The following NRIP1 variants were observed in gnomAD, a reference collection of about 807,000 sequenced individuals.
NRIP1 encodes the protein nuclear receptor-interacting protein 1.
NRIP1 carries 28 observed loss-of-function variants against 75.0 expected under a neutral mutation model. That is an observed-to-expected ratio of 0.37 (90% CI 0.28 to 0.51). The LOEUF (loss-of-function observed/expected upper bound fraction) is 0.51. NRIP1 is among the 20% of genes least tolerant of loss of function. The pLI, the probability that NRIP1 is intolerant of heterozygous loss-of-function variation, is 0.92. For missense variants in NRIP1, 1,435 were observed against 1,343.7 expected (o/e 1.07, Z -1.06); for synonymous variants, 526 against 487.6 (o/e 1.08, Z -1.04).
At chr21:15,051,334 T>A (rs1412585015) in intron 1 of NRIP1, 1 of 159,512 alleles carries the variant, frequency 6.3e-6, no homozygotes, top group Admixed American at 6.0e-5. Context: ...AGGTGGTCAA[T>A]AAAAAATTAT....
intron 3 of NRIP1, among the ~76,000 whole-genome samples, chr21:14,976,304 C>A (rs982529857): frequency 3.3e-5 from 5 of 151,920 alleles, no homozygotes; most frequent in Non-Finnish European, 4.4e-5. Flanking sequence ...CAAACTAAAC[C>A]ATGAAAAAAT....
intron 3 of NRIP1, among the ~76,000 whole-genome samples, chr21:14,988,521 A>G (rs62220717): frequency 0.16 from 23,942 of 150,058 alleles, 2,196 homozygotes; most frequent in Admixed American, 0.22. Context: ...GTGTGTGTAT[A>G]TATATATATA....
At chr21:14,994,479 T>C (rs2087665179) in intron 3 of NRIP1, among the ~76,000 whole-genome samples, 1 of 152,192 alleles carries the variant, frequency 6.6e-6, no homozygotes. Context: ...TTCATTTGAC[T>C]AGAGAAAATA....
chr21:15,027,195 G>A (rs1162125134), intron 2 of NRIP1, among the ~76,000 whole-genome samples: 3 of 152,148 alleles, frequency 2.0e-5, no homozygotes, highest in Admixed American at 6.6e-5. Flanking sequence ...TGAAGAAAGC[G>A]GTTGCAAGAC....
chr21:15,050,993 GCATTTA>G, intron 1 of NRIP1: 1 of 434,556 alleles, frequency 2.3e-6, no homozygotes, highest in Non-Finnish European at 4.6e-6. Flanking sequence ...AGTAGCAGTA[GCATTTA>G]CCTACAGCTA....
rs539278321 is a variant in NRIP1 at position 15,019,470 on chromosome 21, C to CTTT, written c.-457-5007_-457-5005dup. Among the ~76,000 whole-genome samples the CTTT allele has an allele frequency of 8.3e-4, 32 of 38,696 alleles. 15 individuals are homozygous for CTTT. The highest frequency in any genetic ancestry group is 3.2e-3 in the South Asian group (2 of 630). The allele number at this position is 38,696 out of a possible 152,430, so 25.4% of individuals were successfully genotyped here. A position where few individuals can be genotyped will look rare whatever the true frequency, so the allele number is the denominator to read the frequency against. The stretch of plus-strand genomic sequence containing the variant: ...ACAAGATCCACAAACAACTGCATTT[C>CTTT]TTTTTTTTTTTTTTTTTTTTTTTTT... On this transcript the variant is annotated intron_variant, in intron 2 of 3. Coordinates refer to ENST00000318948, the MANE Select transcript of NRIP1 (RefSeq NM_003489.4).
chr21:15,051,981 G>A (rs2089211275), intron 1 of NRIP1: 1 of 152,086 alleles, frequency 6.6e-6, no homozygotes, highest in Non-Finnish European at 1.5e-5. Flanking sequence ...TTTTGTTCTA[G>A]CCTATTAACC....
intron 3 of NRIP1, chr21:14,992,125 A>T (rs2087589458): frequency 3.3e-5 from 5 of 152,228 alleles, no homozygotes; most frequent in Admixed American, 3.3e-4. Context: ...GCAGCCTGAA[A>T]CTCCTGGGCT....
intron 2 of NRIP1, among the ~76,000 whole-genome samples, chr21:15,035,309 A>G (rs971205282): frequency 6.6e-6 from 1 of 152,326 alleles, no homozygotes; most frequent in East Asian, 1.9e-4. Flanking sequence ...TTCTTTTAAA[A>G]TACAAGTTTA....
In NRIP1 at chr21:15,053,719, T is replaced by C. The variant is rs188544545; in HGVS notation, c.-537-10145A>G. Among the ~76,000 whole-genome samples, 20 of 152,326 alleles carry C rather than the reference T, an allele frequency of 1.3e-4. 1 individual carries two copies. Among genetic ancestry groups the C allele is most frequent in the Admixed American group, 1.3e-3 (20 of 15,302 alleles). ...CTCATTTTTCTGCCCTTTTACTTCA[T>C]ATATTAGTCCATTAGCTTGTTCCTT... On this transcript the variant is annotated intron_variant, in intron 1 of 3. Coordinates refer to ENST00000318948, the MANE Select transcript of NRIP1 (RefSeq NM_003489.4).
Position 14,967,428 on chromosome 21 carries a change from G to T in NRIP1, c.765C>A (p.Thr255=). 6.2e-7 allele frequency: 1 copy of T among 1,614,050 alleles called. No homozygotes were observed. Among genetic ancestry groups the T allele is most frequent in the African/African-American group, 1.3e-5 (1 of 75,026 alleles). The change falls in exon 4 of 4, where the codon ACC becomes ACA. Residue 255 remains threonine (T), a synonymous_variant. Transcript: ENST00000318948. ...TACAAGCAACACTAGGTTTAGGTGA[G>T]GTGGCAGGACTAGCCCTTTTTTCCA... ...SMVEKRASPA[T]SPKPSVACSQ...
chr21:15,010,878 T>C (rs1353869139), intron 3 of NRIP1, among the ~76,000 whole-genome samples: 1 of 152,144 alleles, frequency 6.6e-6, no homozygotes, highest in Non-Finnish European at 1.5e-5. Context: ...AATGATTCAT[T>C]TGAGCCAAGC....
At chr21:15,057,246 T>C (rs1186292869) in intron 1 of NRIP1, among the ~76,000 whole-genome samples, 1 of 152,190 alleles carries the variant, frequency 6.6e-6, no homozygotes, top group East Asian at 1.9e-4. Flanking sequence ...TGGTTCTGAA[T>C]TTGCTACAAC....
intron 3 of NRIP1, among the ~76,000 whole-genome samples, chr21:15,001,372 A>G (rs1187072253): frequency 6.6e-6 from 1 of 152,212 alleles, no homozygotes; most frequent in Middle Eastern, 3.2e-3. Context: ...GTACAGATTT[A>G]TACACAACCG....
At chr21:15,063,708 C>CT (rs1336511697) in intron 1 of NRIP1, among the ~76,000 whole-genome samples, 1 of 152,250 alleles carries the variant, frequency 6.6e-6, no homozygotes, top group Non-Finnish European at 1.5e-5. Context: ...AACTCCAACT[C>CT]AGTTCCACCA....
intron 3 of NRIP1, among the ~76,000 whole-genome samples, chr21:14,968,853 T>C (rs972775262): frequency 6.6e-6 from 1 of 152,212 alleles, no homozygotes; most frequent in African/African-American, 2.4e-5. Context: ...CAAAGTAATG[T>C]GAATGTTCAG....
chr21:14,964,883 C>T lies in NRIP1; in HGVS notation c.3310G>A (p.Ala1104Thr). The change falls in exon 4 of 4, where the codon GCC (alanine) becomes ACC (threonine). Residue 1104 changes from alanine to threonine, a missense_variant. Physicochemically the swap from Ala to Thr is moderately conservative, Grantham distance 58. Coordinates refer to ENST00000318948, the MANE Select transcript of NRIP1 (RefSeq NM_003489.4). ...GCAGTAGGAAGTAACTCTTCTTTGG[C>T]TGTGACCTGTGAGACACTTTCAGCA... ...SSAESVSQVT[A>T]KEELLPTAET... 6.2e-7 allele frequency: 1 copy of T among 1,613,120 alleles called. No homozygotes were observed. The highest frequency in any genetic ancestry group is 8.5e-7 in the Non-Finnish European group (1 of 1,179,572).
At chr21:14,973,310 G>A (rs926184) in intron 3 of NRIP1, among the ~76,000 whole-genome samples, 9,460 of 152,004 alleles carry the variant, frequency 0.062, 769 homozygotes, top group East Asian at 0.29. Context: ...AAGGCATCAT[G>A]AATTCTGCAA....
intron 3 of NRIP1, chr21:14,988,126 C>T (rs1405157235): frequency 6.6e-6 from 1 of 152,158 alleles, no homozygotes. Context: ...GGATTCCTGA[C>T]TCTGCTATTC....
Sources: allele counts gnomAD v4.1 joint callset (sites outside exome capture counted in the v4.1 genomes callset), GRCh38; gene constraint gnomAD v4.1.1; transcripts MANE v1.5; gene names NCBI Gene and HGNC (gene_info 2026-07-23, HGNC 2026-07-21).